The following MIR2052HG variants were observed in gnomAD, a reference collection of about 807,000 sequenced individuals.
MIR2052HG encodes the protein MIR2052 host gene.
At chr8:74,750,816 T>C (rs527699034) in intron 4 of MIR2052HG, among the ~76,000 whole-genome samples, 1 of 152,352 alleles carries the variant, frequency 6.6e-6, no homozygotes, top group East Asian at 1.9e-4. Flanking sequence ...ATGAGGCTTC[T>C]ACATGCCATC....
At chr8:74,634,565 T>C (rs1808557807) in intron 2 of MIR2052HG, among the ~76,000 whole-genome samples, 1 of 152,222 alleles carries the variant, frequency 6.6e-6, no homozygotes, top group African/African-American at 2.4e-5. Flanking sequence ...GCAGCAATTA[T>C]TGTAATATTT....
At chr8:74,696,638 T>C (rs1367141812) in intron 2 of MIR2052HG, among the ~76,000 whole-genome samples, 2 of 151,674 alleles carry the variant, frequency 1.3e-5, no homozygotes, top group Non-Finnish European at 1.5e-5. Context: ...ATGGAAGATA[T>C]TACAAACAAT....
chr8:74,634,617 T>C (rs546916282), intron 2 of MIR2052HG, among the ~76,000 whole-genome samples: 20 of 152,308 alleles, frequency 1.3e-4, no homozygotes, highest in African/African-American at 4.3e-4. Context: ...TGGGGACTTA[T>C]ATGGCTTAAT....
chr8:74,696,327 C>T (rs986986959), intron 2 of MIR2052HG, among the ~76,000 whole-genome samples: 2 of 151,910 alleles, frequency 1.3e-5, no homozygotes, highest in African/African-American at 4.8e-5. Flanking sequence ...AAAGGCAGTA[C>T]TAAGAGAAAA....
At chr8:74,654,218 C>T (rs1808780523) in intron 2 of MIR2052HG, among the ~76,000 whole-genome samples, 1 of 151,826 alleles carries the variant, frequency 6.6e-6, no homozygotes, top group South Asian at 2.1e-4. Context: ...TGACATGTGC[C>T]CCTCAGTTTT....
At chr8:74,641,838 T>C (rs1473974692) in intron 2 of MIR2052HG, among the ~76,000 whole-genome samples, 1 of 152,194 alleles carries the variant, frequency 6.6e-6, no homozygotes, top group African/African-American at 2.4e-5. Context: ...TGTACATTAA[T>C]AATATTTAGA....
intron 1 of MIR2052HG, among the ~76,000 whole-genome samples, chr8:74,611,552 A>C (rs2128731381): frequency 6.6e-6 from 1 of 152,328 alleles, no homozygotes; most frequent in Non-Finnish European, 1.5e-5. Context: ...TGTAATGTAA[A>C]AAACACATTT....
chr8:74,731,915 G>A (rs1378176368), intron 4 of MIR2052HG, among the ~76,000 whole-genome samples: 2 of 152,100 alleles, frequency 1.3e-5, no homozygotes, highest in Non-Finnish European at 1.5e-5. Context: ...CCATAAATTA[G>A]TTTTCTTTTT....
At chr8:74,699,415 TG>T (rs1809335171) in intron 2 of MIR2052HG, among the ~76,000 whole-genome samples, 1 of 107,152 alleles carries the variant, frequency 9.3e-6, no homozygotes, top group Non-Finnish European at 1.9e-5. Flanking sequence ...TGTGTGTGTG[TG>T]TATATATATA....
intron 2 of MIR2052HG, among the ~76,000 whole-genome samples, chr8:74,668,338 A>AT (rs1183135448): frequency 6.6e-6 from 1 of 152,148 alleles, no homozygotes; most frequent in Non-Finnish European, 1.5e-5. Flanking sequence ...ACACACACAC[A>AT]TTTTATACTG....
rs917602886 is a variant in MIR2052HG at position 74,662,300 on chromosome 8, A to G, written n.217-40079A>G. 2.0e-5 allele frequency among the ~76,000 whole-genome samples: 3 copies of G among 152,252 alleles called. No homozygotes were observed. In the East Asian group the frequency reaches 5.8e-4, roughly 29 times the overall value. The stretch of plus-strand genomic sequence containing the variant: ...AAATGTATTCATTGAATATTTGCCT[A>G]TTTATATATTCCAAGGACATTGTAA... On this transcript the variant is annotated intron_variant and non_coding_transcript_variant, in intron 2 of 6. Coordinates refer to ENST00000523442, the Ensembl canonical transcript of MIR2052HG.
intron 2 of MIR2052HG, among the ~76,000 whole-genome samples, chr8:74,621,817 T>C (rs1438527121): frequency 6.6e-6 from 1 of 152,190 alleles, no homozygotes; most frequent in Non-Finnish European, 1.5e-5. Flanking sequence ...ATCTTTTCAG[T>C]AAATAGTTTT....
At chr8:74,750,105 A>G (rs1809929048) in intron 4 of MIR2052HG, among the ~76,000 whole-genome samples, 1 of 152,222 alleles carries the variant, frequency 6.6e-6, no homozygotes, top group Non-Finnish European at 1.5e-5. Context: ...TGAAATGAAA[A>G]GTAATTGTTT....
intron 4 of MIR2052HG, among the ~76,000 whole-genome samples, chr8:74,732,883 G>A (rs191627700): frequency 4.6e-5 from 7 of 152,164 alleles, no homozygotes; most frequent in Non-Finnish European, 1.0e-4. Context: ...GTGGGTGAAG[G>A]CTGACTTGTA....
At chr8:74,613,217 A>G (rs1586889033) in intron 2 of MIR2052HG, among the ~76,000 whole-genome samples, 1 of 152,216 alleles carries the variant, frequency 6.6e-6, no homozygotes, top group East Asian at 1.9e-4. Context: ...ATATACTTTT[A>G]GCACTTTGGA....
At chr8:74,626,688 C>A (rs1808441059) in intron 2 of MIR2052HG, among the ~76,000 whole-genome samples, 1 of 152,184 alleles carries the variant, frequency 6.6e-6, no homozygotes, top group Admixed American at 6.5e-5. Context: ...CTGCACCCAT[C>A]TCTTTCTGTA....
intron 2 of MIR2052HG, among the ~76,000 whole-genome samples, chr8:74,631,336 G>A (rs951016584): frequency 6.6e-6 from 1 of 152,210 alleles, no homozygotes; most frequent in Non-Finnish European, 1.5e-5. Context: ...AGCAGCAATG[G>A]TTTCTGGTAT....
chr8:74,635,487 C>T (rs1047893404), intron 2 of MIR2052HG, among the ~76,000 whole-genome samples: 1 of 152,048 alleles, frequency 6.6e-6, no homozygotes, highest in African/African-American at 2.4e-5. Context: ...GAGCTGTAAG[C>T]AAAACCATAA....
intron 2 of MIR2052HG, among the ~76,000 whole-genome samples, chr8:74,636,901 G>C (rs112767005): frequency 2.7e-4 from 41 of 152,240 alleles, no homozygotes; most frequent in African/African-American, 9.1e-4. Context: ...AGTCTGGGTT[G>C]GGACCTGAAG....
Sources: gnomAD v4.1 joint callset for allele counts (sites outside exome capture counted in the v4.1 genomes callset) on GRCh38, gnomAD v4.1.1 for gene constraint, MANE v1.5 for transcripts, NCBI Gene and HGNC (gene_info 2026-07-23, HGNC 2026-07-21) for gene names.